MEI4: variants seen among roughly 807,000 people sequenced by gnomAD.
The protein encoded by MEI4 is meiosis-specific protein MEI4.
MEI4 carries 27 observed loss-of-function variants against 31.4 expected under a neutral mutation model. That is an observed-to-expected ratio of 0.86 (90% confidence interval 0.63 to 1.19). The LOEUF (loss-of-function observed/expected upper bound fraction) is 1.19, where lower values mean the gene tolerates loss of function less well. MEI4 is among the 50% of genes most tolerant of loss of function. The probability of loss-of-function intolerance (pLI) is 0.00; values close to 1 mark genes in which losing one functional copy is unlikely to be tolerated. For synonymous variants in MEI4, 122 were observed against 145.4 expected, an observed-to-expected ratio of 0.84 and a Z score of 1.16; for missense variants, 329 against 398.9, an observed-to-expected ratio of 0.82 and a Z score of 1.49.
chr6:77,788,098 A>T (rs1306324968), intron 3 of MEI4, among the ~76,000 whole-genome samples: 1 of 152,218 alleles, frequency 6.6e-6, no homozygotes, highest in Non-Finnish European at 1.5e-5. Flanking sequence ...CTGGTTCAAC[A>T]TATGCAAATC....
intron 2 of MEI4, among the ~76,000 whole-genome samples, chr6:77,719,188 A>G (rs1207612060): frequency 7.0e-6 from 1 of 142,102 alleles, no homozygotes; most frequent in African/African-American, 2.7e-5. Context: ...TTCCAAATTC[A>G]TTGTTTTGTA....
chr6:77,692,596 G>A (rs964639116), intron 2 of MEI4, among the ~76,000 whole-genome samples: 1 of 152,056 alleles, frequency 6.6e-6, no homozygotes, highest in Non-Finnish European at 1.5e-5. Context: ...GGACAGACAT[G>A]TAGGAATAAA....
intron 4 of MEI4, among the ~76,000 whole-genome samples, chr6:77,838,049 T>C (rs1256783311): frequency 2.6e-5 from 4 of 152,186 alleles, no homozygotes; most frequent in African/African-American, 9.6e-5. Flanking sequence ...AAGTGCACCA[T>C]TGCTGTTAGC....
At chr6:77,802,962 T>C (rs1769312173) in intron 3 of MEI4, among the ~76,000 whole-genome samples, 1 of 152,206 alleles carries the variant, frequency 6.6e-6, no homozygotes, top group African/African-American at 2.4e-5. Context: ...GGAGTTGCTC[T>C]TCTCGAGGAG....
At chr6:77,783,933 A>G (rs538530170) in intron 3 of MEI4, among the ~76,000 whole-genome samples, 23 of 95,792 alleles carry the variant, frequency 2.4e-4, no homozygotes, top group Middle Eastern at 4.3e-3. Flanking sequence ...TACTGAATAT[A>G]TAGCAATTAT....
At chr6:77,741,640 T>G (rs1767404951) in intron 2 of MEI4, among the ~76,000 whole-genome samples, 1 of 152,096 alleles carries the variant, frequency 6.6e-6, no homozygotes, top group Non-Finnish European at 1.5e-5. Context: ...TATTTTTAAT[T>G]TAAGTTTTAG....
intron 3 of MEI4, among the ~76,000 whole-genome samples, chr6:77,814,483 C>G (rs762413008): frequency 6.6e-6 from 1 of 152,054 alleles, no homozygotes; most frequent in Admixed American, 6.6e-5. Flanking sequence ...TTTATTTTCA[C>G]TTTCTCAAAG....
chr6:77,861,896 C>T (rs963694402), intron 4 of MEI4, among the ~76,000 whole-genome samples: 22 of 152,008 alleles, frequency 1.4e-4, no homozygotes, highest in African/African-American at 4.8e-4. Context: ...TTCTGATGAT[C>T]TTTTTTTATA....
chr6:77,897,208 CA>C (rs1766099298), intron 4 of MEI4, among the ~76,000 whole-genome samples: 1 of 151,876 alleles, frequency 6.6e-6, no homozygotes, highest in African/African-American at 2.4e-5. Context: ...AGGAATTCCC[CA>C]AAAGAGTGTT....
chr6:77,787,737 G>GA (rs1381254200), intron 3 of MEI4, among the ~76,000 whole-genome samples: 3 of 152,014 alleles, frequency 2.0e-5, no homozygotes, highest in Non-Finnish European at 4.4e-5. Flanking sequence ...AAAATTACCT[G>GA]AAAAAATTTC....
chr6:77,884,340 G>T (rs1232308474), intron 4 of MEI4, among the ~76,000 whole-genome samples: 1 of 152,096 alleles, frequency 6.6e-6, no homozygotes, highest in Non-Finnish European at 1.5e-5. Flanking sequence ...TTGTTGTGCA[G>T]AAGCTTTTTA....
At chr6:77,727,715 T>C (rs983421742) in intron 2 of MEI4, among the ~76,000 whole-genome samples, 3 of 152,266 alleles carry the variant, frequency 2.0e-5, no homozygotes, top group Non-Finnish European at 2.9e-5. Context: ...CTACATTTCA[T>C]GGACAGGTTT....
intron 4 of MEI4, among the ~76,000 whole-genome samples, chr6:77,909,898 T>C (rs1766391825): frequency 6.6e-6 from 1 of 152,242 alleles, no homozygotes; most frequent in South Asian, 2.1e-4. Context: ...GCAAGGCTGG[T>C]TCAACATATG....
intron 2 of MEI4, among the ~76,000 whole-genome samples, chr6:77,695,443 A>G (rs562909022): frequency 1.3e-5 from 2 of 152,308 alleles, no homozygotes; most frequent in South Asian, 4.1e-4. Flanking sequence ...TTCTTGTATA[A>G]GGCGTAAGGA....
intron 4 of MEI4, among the ~76,000 whole-genome samples, chr6:77,919,742 A>T (rs1417167429): frequency 6.7e-6 from 1 of 150,236 alleles, no homozygotes; most frequent in Admixed American, 6.7e-5. Flanking sequence ...CAAAATTGAT[A>T]GACCTCTAGC....
At position 77,753,354 on chromosome 6, in the gene MEI4, C is replaced by T. The variant is rs182967127; in HGVS notation, c.233-7776C>T. On this transcript the variant is annotated intron_variant, in intron 2 of 4. Coordinates refer to ENST00000684080, the MANE Select transcript of MEI4 (RefSeq NM_001322247.2). ...GAGAAAAGTTTTACAATCTATCCAT[C>T]TGACAAAGGGCTAATATCCAGAATC... is the stretch of plus-strand genomic sequence containing the variant. Among the ~76,000 whole-genome samples the T allele has an allele frequency of 4.1e-3, 631 of 152,172 alleles. 3 individuals are homozygous for T. The highest frequency in any genetic ancestry group is 6.7e-3 in the Admixed American group (103 of 15,282).
intron 4 of MEI4, among the ~76,000 whole-genome samples, chr6:77,904,600 T>C (rs956851967): frequency 1.3e-5 from 2 of 152,144 alleles, no homozygotes; most frequent in Non-Finnish European, 2.9e-5. Flanking sequence ...CTTAGGACAA[T>C]GGCCTTCAGC....
chr6:77,895,569 A>T (rs1158144689), intron 4 of MEI4, among the ~76,000 whole-genome samples: 1 of 151,890 alleles, frequency 6.6e-6, no homozygotes, highest in Non-Finnish European at 1.5e-5. Flanking sequence ...ATCTTCTCCC[A>T]CCCTATGACT....
intron 1 of MEI4, among the ~76,000 whole-genome samples, chr6:77,680,724 C>G (rs1768941492): frequency 6.6e-6 from 1 of 152,050 alleles, no homozygotes; most frequent in Non-Finnish European, 1.5e-5. Context: ...GCATGCAAAT[C>G]CATGTAGACT....
Sources: allele counts gnomAD v4.1 joint callset (sites outside exome capture counted in the v4.1 genomes callset), GRCh38; gene constraint gnomAD v4.1.1; transcripts MANE v1.5; gene names NCBI Gene and HGNC (gene_info 2026-07-23, HGNC 2026-07-21).